SH2D3A: variants seen among roughly 807,000 people sequenced by gnomAD.
SH2D3A encodes SH2 domain-containing protein 3A.
A neutral mutation model predicts 50.6 loss-of-function variants in SH2D3A; 46 were observed. The observed-to-expected ratio is 0.91, with a 90% confidence interval of 0.72 to 1.16. The LOEUF (loss-of-function observed/expected upper bound fraction) is 1.16, where lower values mean the gene tolerates loss of function less well. Among genes scored for constraint, SH2D3A ranks in the 50% most tolerant of loss-of-function variants. The pLI, the probability that SH2D3A is intolerant of heterozygous loss-of-function variation, is 0.00. For missense variants in SH2D3A, 783 were observed against 786.2 expected (o/e 1.00, Z 0.05); for synonymous variants, 377 against 348.4 (o/e 1.08, Z -0.91).
Position 6,760,829 on chromosome 19 carries a change from G to C in SH2D3A, c.228C>G (p.Ala76=), listed in dbSNP as rs1969972239. 1.2e-6 allele frequency: 2 copies of C among 1,614,268 alleles called. No individual in the cohort carries two copies. The highest frequency in any genetic ancestry group is 1.6e-4 in the Middle Eastern group (1 of 6,062). Reference sequence around the variant, plus strand: ...ATTGCTCATCCTCCAGTTGAAAGAGGGCTGTGGGTCGGCCTGGCCGGGGAC... The same window carrying C: ...ATTGCTCATCCTCCAGTTGAAAGAGCGCTGTGGGTCGGCCTGGCCGGGGAC... ...ALRPRPGRPT[A]LFQLEDEQFP... is the part of the protein sequence containing the mutation. Residue 76 remains alanine, a synonymous_variant, in exon 3 of 10, where the codon GCC becomes GCG. Transcript: ENST00000245908.
Position 6,752,716 on chromosome 19 carries a change from G to C in SH2D3A, c.1608C>G (p.Thr536=), listed in dbSNP as rs1969386706. ...RPNPELREAL[T]TGFVRRLLWG... ...AGAGCAGCCTCCGCACGAAGCCGGT[G>C]GTCAGGGCCTCCCTCAGCTCCGGGT... The change falls in exon 10 of 10, where the codon ACC becomes ACG. Residue 536 remains threonine, a synonymous_variant. Coordinates refer to ENST00000245908, the MANE Select transcript of SH2D3A (RefSeq NM_005490.3). 1 of 1,552,262 alleles carries C rather than the reference G, an allele frequency of 6.4e-7. No individual in the cohort carries two copies. The highest frequency in any genetic ancestry group is 1.4e-5 in the African/African-American group (1 of 73,386).
intron 4 of SH2D3A, among the ~76,000 whole-genome samples, chr19:6,755,708 C>G (rs924325187): frequency 6.6e-6 from 1 of 151,658 alleles, no homozygotes; most frequent in East Asian, 1.9e-4. Context: ...CTGAATACTA[C>G]ATTTTAAATT....
intron 1 of SH2D3A, 62 bp downstream of exon 1, chr19:6,767,325 G>A (rs1203716997): frequency 6.6e-6 from 1 of 152,256 alleles, no homozygotes; most frequent in Non-Finnish European, 1.5e-5. Flanking sequence ...ACCCCACCTG[G>A]AAAGAGAGGA....
rs181840363 is a variant in SH2D3A, at chr19:6,760,170, T to G, written c.419+468A>C. Among the ~76,000 whole-genome samples, 1,472 of 147,902 alleles carry G rather than the reference T, an allele frequency of 1.0e-2. 16 individuals carry two copies. Among genetic ancestry groups the G allele is most frequent in the African/African-American group, 0.035 (1,385 of 39,988 alleles). ...CGGGTGGATCACTTGAGGTCAGGAG[T>G]TTGAGACCAGCCTGGCCAACATGGT... On this transcript the variant is annotated intron_variant, in intron 3 of 9. Coordinates refer to ENST00000245908, the MANE Select transcript of SH2D3A (RefSeq NM_005490.3).
chr19:6,760,266 C>T (rs538338025), intron 3 of SH2D3A, among the ~76,000 whole-genome samples: 2 of 152,320 alleles, frequency 1.3e-5, no homozygotes, highest in Non-Finnish European at 2.9e-5. Flanking sequence ...ATCCCAGCTA[C>T]TCGGGAAGCT....
Position 6,754,318 on chromosome 19 carries a change from A to C in SH2D3A, c.1205T>G (p.Leu402Arg), listed in dbSNP as rs1969512928. The C allele has an allele frequency of 3.2e-6, 5 of 1,568,536 alleles. No individual in the cohort carries two copies. Among genetic ancestry groups the C allele is most frequent in the African/African-American group, 2.7e-5 (2 of 74,350 alleles). ...CAGGTCCCCCGCCGCCCCTGGCCGC[A>C]GCGCCAGCGCCAGCTCTACCAGTCC... ...LRGLVELALA[L>R]RPGAAGDLPG... Residue 402 changes from leucine to arginine, a missense_variant, in exon 7 of 10, where the codon CTG becomes CGG. Leu to Arg is a moderately radical substitution (Grantham distance 102). Transcript: ENST00000245908.
chr19:6,762,792 T>C (rs979823398), intron 2 of SH2D3A, among the ~76,000 whole-genome samples: 13 of 151,704 alleles, frequency 8.6e-5, no homozygotes, highest in Non-Finnish European at 1.6e-4. Context: ...GTGCTGGGAT[T>C]ACAGGCATGA....
chr19:6,765,924 G>T (rs1461045092), intron 1 of SH2D3A, among the ~76,000 whole-genome samples: 1 of 152,134 alleles, frequency 6.6e-6, no homozygotes, highest in East Asian at 1.9e-4. Context: ...GTAGTTTCCC[G>T]ATAATCTCAC....
intron 2 of SH2D3A, among the ~76,000 whole-genome samples, chr19:6,761,681 C>T (rs1049320834): frequency 6.6e-6 from 1 of 152,166 alleles, no homozygotes; most frequent in Non-Finnish European, 1.5e-5. Flanking sequence ...GGCACAGTGG[C>T]TCACACCTGT....
intron 9 of SH2D3A, 34 bp downstream of exon 9, chr19:6,753,422 G>T (rs1458143593): frequency 3.5e-6 from 5 of 1,447,442 alleles, no homozygotes; most frequent in Non-Finnish European, 4.6e-6. Context: ...AGGGTGCTCT[G>T]AAGTCTGCAG....
Position 6,754,154 on chromosome 19 carries a change from A to G in SH2D3A, c.1282T>C (p.Leu428=). 1.2e-6 allele frequency: 2 copies of G among 1,613,098 alleles called. No homozygotes were observed. The highest frequency in any genetic ancestry group is 2.2e-5 in the South Asian group (2 of 90,888). ...GALLMPQVSR[L]EHTWRQLRRS... is the part of the protein sequence containing the mutation. ...CGGAGCTGGCGCCACGTGTGCTCCA[A>G]CCGGGACACCTGGGAGAAGAGATCT... Residue 428 remains leucine (L), a synonymous_variant, in exon 8 of 10, where the codon TTG becomes CTG. Coordinates refer to ENST00000245908, the MANE Select transcript of SH2D3A (RefSeq NM_005490.3).
chr19:6,761,592 G>GC (rs1391103385), intron 2 of SH2D3A, among the ~76,000 whole-genome samples: 5 of 152,258 alleles, frequency 3.3e-5, no homozygotes, highest in Admixed American at 2.0e-4. Flanking sequence ...CCAGATTGGG[G>GC]CCCCCTCTTT....
chr19:6,752,240 C>T lies in SH2D3A; in HGVS notation c.*353G>A, dbSNP rs1422799654. The T allele has an allele frequency of 8.8e-6, 2 of 226,974 alleles. No homozygotes were observed. Among genetic ancestry groups the T allele is most frequent in the Non-Finnish European group, 1.7e-5 (2 of 117,920 alleles). The allele number at this position is 226,974 out of a possible 1,614,324, so 14.1% of individuals were successfully genotyped here. A position where few individuals can be genotyped will look rare whatever the true frequency, so the allele number is the denominator to read the frequency against. ...CCATGTTGCCCTGGCTGGTCTTGAA[C>T]TCCTGGCCTCAAGCCTTCCTTCCGC... On this transcript the variant is annotated 3_prime_UTR_variant, in exon 10 of 10. Coordinates refer to ENST00000245908, the MANE Select transcript of SH2D3A (RefSeq NM_005490.3).
intron 2 of SH2D3A, among the ~76,000 whole-genome samples, chr19:6,762,098 A>G (rs1157233313): frequency 6.6e-6 from 1 of 152,110 alleles, no homozygotes; most frequent in Non-Finnish European, 1.5e-5. Flanking sequence ...TGTAGCCCTT[A>G]CTATATGTCA....
At chr19:6,760,357 C>T (rs1969939106) in intron 3 of SH2D3A, among the ~76,000 whole-genome samples, 1 of 151,916 alleles carries the variant, frequency 6.6e-6, no homozygotes. Context: ...GCCTGGGCAA[C>T]AGAGTGAGAC....
rs753482424 is a variant in SH2D3A, at chr19:6,760,721, C to T, written c.336G>A (p.Arg112=). 8 of 1,614,044 alleles carry T rather than the reference C, an allele frequency of 5.0e-6. 1 individual carries two copies. The African/African-American group carries it at 5.3e-5, about 11-fold the overall frequency. ...LSQATGAVVS[R]PVTWQGPLRR... ...GCAGAGGCCCCTGCCAAGTCACAGG[C>T]CTGGAGACCACAGCCCCTGTGGCCT... is the stretch of plus-strand genomic sequence containing the variant. Residue 112 remains arginine, a synonymous_variant, in exon 3 of 10, where the codon AGG becomes AGA. Coordinates refer to ENST00000245908, the MANE Select transcript of SH2D3A (RefSeq NM_005490.3).
At position 6,753,510 on chromosome 19, in the gene SH2D3A, G is replaced by A. The variant is rs375639151; in HGVS notation, c.1516C>T (p.His506Tyr). The change falls in exon 9 of 10, where the codon CAC becomes TAC. Residue 506 changes from histidine (H) to tyrosine (Y), a missense_variant. Transcript: ENST00000245908. Reference protein sequence around the residue: ...RLLRTLHGARHMVRDAPKFRK... With the variant: ...RLLRTLHGARYMVRDAPKFRK... ...AATTTGGGTGCGTCCCGGACCATGT[G>A]ACGCGCCCCGTGCAGGGTGCGCAAC... 6.4e-7 allele frequency: 1 copy of A among 1,556,544 alleles called. No homozygotes were observed. Among genetic ancestry groups the A allele is most frequent in the South Asian group, 1.2e-5 (1 of 84,808 alleles).
At position 6,754,660 on chromosome 19, in the gene SH2D3A, G is replaced by A. The variant is rs1374551243; in HGVS notation, c.1053C>T (p.Leu351=). 1 of 1,614,102 alleles carries A rather than the reference G, an allele frequency of 6.2e-7. No individual in the cohort carries two copies. The highest frequency in any genetic ancestry group is 1.3e-5 in the African/African-American group (1 of 74,930). The part of the protein sequence containing the change: ...NMGVSSGLEL[L]TLPHGHHLRL... ...TCAAGTGGTGTCCATGGGGAAGAGTGAGCAGCTCCAGGCCAGATGAGACTC... is the reference window on the plus strand; with the variant it reads ...TCAAGTGGTGTCCATGGGGAAGAGTAAGCAGCTCCAGGCCAGATGAGACTC... The change falls in exon 6 of 10, where the codon CTC becomes CTT. Residue 351 remains leucine (L), a synonymous_variant. Coordinates refer to ENST00000245908, the MANE Select transcript of SH2D3A (RefSeq NM_005490.3).
chr19:6,760,657 C>G lies in SH2D3A; in HGVS notation c.400G>C (p.Ala134Pro), dbSNP rs138281544. 22 of 1,592,258 alleles carry G rather than the reference C, an allele frequency of 1.4e-5. No homozygotes were observed. In the African/African-American group the frequency reaches 2.8e-4, roughly 20 times the overall value. Residue 134 changes from alanine to proline, a missense_variant, in exon 3 of 10, where the codon GCT becomes CCT. Physicochemically the swap from Ala to Pro is conservative, Grantham distance 27 (BLOSUM62 -1). Transcript: ENST00000245908. ...FSEDTLMDGP[A>P]RIEPLRARKW... ...GAGTACCTGAGAGGCTCTATCCGAGCTGGGCCATCCATCAGGGTGTCCTCG... is the reference window on the plus strand; with the variant it reads ...GAGTACCTGAGAGGCTCTATCCGAGGTGGGCCATCCATCAGGGTGTCCTCG...
Sources: allele counts gnomAD v4.1 joint callset (sites outside exome capture counted in the v4.1 genomes callset), GRCh38; gene constraint gnomAD v4.1.1; transcripts MANE v1.5; gene names NCBI Gene and HGNC (gene_info 2026-07-23, HGNC 2026-07-21).